The following ZNF430 variants were observed in gnomAD, a reference collection of about 807,000 sequenced individuals.
ZNF430 encodes zinc finger protein 430.
In ZNF430, 35 loss-of-function variants were observed where a neutral mutation model predicts 56.7. The observed-to-expected ratio is 0.62, with a 90% CI of 0.47 to 0.82. The LOEUF (loss-of-function observed/expected upper bound fraction) is 0.82. ZNF430 is among the 40% of genes least tolerant of loss of function. The pLI is 0.00. For synonymous variants in ZNF430, 212 were observed against 224.3 expected (o/e 0.94, Z 0.49); for missense variants, 574 against 661.0 (o/e 0.87, Z 1.44).
chr19:21,033,730 G>A (rs3760839), intron 3 of ZNF430, 148 bp downstream of exon 3: 866,763 of 970,034 alleles, frequency 0.89, 391,941 homozygotes, highest in Middle Eastern at 0.93. Flanking sequence ...TTCCATATAG[G>A]AAAGAATTTT....
At chr19:21,029,206 G>A (rs1020278240) in intron 2 of ZNF430, among the ~76,000 whole-genome samples, 1 of 152,138 alleles carries the variant, frequency 6.6e-6, no homozygotes, top group African/African-American at 2.4e-5. Flanking sequence ...GGATACATGG[G>A]TGAATTAAGC....
At chr19:21,033,888 A>C (rs1967947322) in intron 3 of ZNF430, among the ~76,000 whole-genome samples, 198 bp from the exon 4 acceptor site, 1 of 152,122 alleles carries the variant, frequency 6.6e-6, no homozygotes, top group Non-Finnish European at 1.5e-5. Context: ...CCAATTTTTG[A>C]TTAATGAATG....
intron 2 of ZNF430, among the ~76,000 whole-genome samples, chr19:21,024,852 G>GT (rs1967763961): frequency 6.6e-6 from 1 of 151,988 alleles, no homozygotes; most frequent in South Asian, 2.1e-4. Flanking sequence ...ATCAGAGAAT[G>GT]TTTTACCCTG....
At chr19:21,054,143 A>T (rs542301006) in intron 4 of ZNF430, among the ~76,000 whole-genome samples, 2 of 152,154 alleles carry the variant, frequency 1.3e-5, no homozygotes, top group East Asian at 3.8e-4. Flanking sequence ...TTTAACTTTC[A>T]AATTTTAGAA....
chr19:21,021,500 GAAAAA>G (rs999154959), intron 1 of ZNF430, among the ~76,000 whole-genome samples: 1 of 147,650 alleles, frequency 6.8e-6, no homozygotes, highest in South Asian at 2.1e-4. Flanking sequence ...CTCCGTCTCG[GAAAAA>G]AAAAATGTAC....
chr19:21,030,173 C>T (rs1192864397), intron 2 of ZNF430, among the ~76,000 whole-genome samples: 2 of 152,310 alleles, frequency 1.3e-5, no homozygotes, highest in East Asian at 1.9e-4. Flanking sequence ...AGCAGTTGCT[C>T]CACAAGCCAC....
intron 4 of ZNF430, among the ~76,000 whole-genome samples, chr19:21,037,111 CTTTTTTT>C (rs990607702): frequency 7.6e-6 from 1 of 130,794 alleles, no homozygotes; most frequent in Non-Finnish European, 1.6e-5. Context: ...ACAAGATTTT[CTTTTTTT>C]TTTTTTTTTT....
intron 2 of ZNF430, among the ~76,000 whole-genome samples, chr19:21,024,655 C>G (rs1311774109): frequency 6.6e-6 from 1 of 152,020 alleles, no homozygotes; most frequent in Non-Finnish European, 1.5e-5. Context: ...TCACGGGCGC[C>G]TGTAGTCCCA....
chr19:21,032,667 C>T (rs1967924861), intron 2 of ZNF430, among the ~76,000 whole-genome samples: 1 of 151,730 alleles, frequency 6.6e-6, no homozygotes, highest in Non-Finnish European at 1.5e-5. Flanking sequence ...GCGGAGGTTG[C>T]AGTGAGCCGA....
intron 4 of ZNF430, among the ~76,000 whole-genome samples, chr19:21,053,698 A>AT: frequency 6.6e-6 from 1 of 152,170 alleles, no homozygotes; most frequent in African/African-American, 2.4e-5. Context: ...CCAGCCAAAA[A>AT]TTTTTTTAAT....
chr19:21,053,952 G>A (rs958423298), intron 4 of ZNF430, among the ~76,000 whole-genome samples: 2 of 150,886 alleles, frequency 1.3e-5, no homozygotes, highest in Non-Finnish European at 2.9e-5. Context: ...GCTATCTTGG[G>A]GATTACATAA....
chr19:21,033,619 C>T, intron 3 of ZNF430, 37 bp downstream of exon 3: 1 of 1,522,906 alleles, frequency 6.6e-7, no homozygotes, highest in Non-Finnish European at 8.8e-7. Context: ...CTAGTATACC[C>T]TAAAGGTTTC....
chr19:21,022,533 C>G (rs1056261151), intron 1 of ZNF430, among the ~76,000 whole-genome samples: 2 of 152,144 alleles, frequency 1.3e-5, no homozygotes, highest in Non-Finnish European at 2.9e-5. Flanking sequence ...GAATAATCCC[C>G]TGACACTGTG....
chr19:21,047,783 C>A (rs1360115537), intron 4 of ZNF430, among the ~76,000 whole-genome samples: 1 of 152,126 alleles, frequency 6.6e-6, no homozygotes, highest in Non-Finnish European at 1.5e-5. Context: ...AGTTGTCTGA[C>A]GATGTCTGTT....
At chr19:21,053,715 C>G (rs1968322012) in intron 4 of ZNF430, among the ~76,000 whole-genome samples, 1 of 152,088 alleles carries the variant, frequency 6.6e-6, no homozygotes, top group Admixed American at 6.6e-5. Flanking sequence ...TAATAAATCA[C>G]TTTATTGAAC....
chr19:21,046,317 CAAAAA>C (rs60881206), intron 4 of ZNF430, among the ~76,000 whole-genome samples: 2,172 of 110,108 alleles, frequency 0.02, 59 homozygotes, highest in African/African-American at 0.081. Flanking sequence ...GACTCCATCT[CAAAAA>C]AAAAAAAAAA....
At chr19:21,048,908 A>G (rs1258459006) in intron 4 of ZNF430, among the ~76,000 whole-genome samples, 1 of 152,046 alleles carries the variant, frequency 6.6e-6, no homozygotes, top group African/African-American at 2.4e-5. Context: ...AAAGTTAAAA[A>G]AATAAGGCCA....
At chr19:21,050,741 G>C (rs772496390) in intron 4 of ZNF430, among the ~76,000 whole-genome samples, 1 of 151,966 alleles carries the variant, frequency 6.6e-6, no homozygotes, top group Admixed American at 6.6e-5. Flanking sequence ...AAAATATGCT[G>C]TTTAGGCCAG....
chr19:21,048,394 GCA>G (rs1968221715), intron 4 of ZNF430, among the ~76,000 whole-genome samples: 1 of 151,006 alleles, frequency 6.6e-6, no homozygotes, highest in South Asian at 2.1e-4. Flanking sequence ...CTCTTAACGA[GCA>G]TGCTGCCTTC....
Sources: gnomAD v4.1 joint callset for allele counts (sites outside exome capture counted in the v4.1 genomes callset) on GRCh38, gnomAD v4.1.1 for gene constraint, MANE v1.5 for transcripts, NCBI Gene and HGNC (gene_info 2026-07-23, HGNC 2026-07-21) for gene names.